LRRC7: variants seen among roughly 807,000 people sequenced by gnomAD.
The protein encoded by LRRC7 is leucine rich repeat containing 7, also known as leucine-rich repeat-containing protein 7.
A neutral mutation model predicts 175.7 loss-of-function variants in LRRC7; 23 were observed. The observed-to-expected ratio is 0.13, with a 90% CI of 0.09 to 0.19. The LOEUF (loss-of-function observed/expected upper bound fraction) is 0.19, where lower values mean the gene tolerates loss of function less well. Ranked by LOEUF, LRRC7 falls within the 10% of genes least tolerant of loss-of-function variation. The probability of loss-of-function intolerance (pLI) is 1.00; values close to 1 mark genes in which losing one functional copy is unlikely to be tolerated. For synonymous variants in LRRC7, 685 were observed against 680.9 expected, an observed-to-expected ratio of 1.01 and a Z score of -0.09; for missense variants, 1,354 against 1,904.7, an observed-to-expected ratio of 0.71 and a Z score of 5.38.
At chr1:69,717,884 AAAAGAGGAGGGAGGGAAGGAGGGAG>A (rs1557641750) in intron 2 of LRRC7, among the ~76,000 whole-genome samples, 3 of 141,122 alleles carry the variant, frequency 2.1e-5, no homozygotes, top group East Asian at 2.1e-4. Flanking sequence ...GAAAGAGAGA[AAAAGAGGAGGGAGGGAAGGAGGGAG>A]AGAAAGAGAG....
intron 7 of LRRC7, among the ~76,000 whole-genome samples, chr1:69,839,579 T>A (rs1340736644): frequency 6.6e-6 from 1 of 151,618 alleles, no homozygotes; most frequent in Non-Finnish European, 1.5e-5. Context: ...CTGATGCTTT[T>A]GTCTGCCACA....
intron 5 of LRRC7, among the ~76,000 whole-genome samples, chr1:69,830,951 A>G (rs72943214): frequency 0.025 from 3,786 of 152,004 alleles, 163 homozygotes; most frequent in African/African-American, 0.087. Context: ...TTAAACTCTG[A>G]AACAAAATGT....
intron 4 of LRRC7, among the ~76,000 whole-genome samples, chr1:69,800,788 T>C (rs1319214301): frequency 6.6e-6 from 1 of 151,906 alleles, no homozygotes; most frequent in Non-Finnish European, 1.5e-5. Flanking sequence ...AAGAGAGTAG[T>C]GAAAGTGGGC....
intron 24 of LRRC7, among the ~76,000 whole-genome samples, chr1:70,081,599 A>G (rs1235591368): frequency 1.3e-5 from 2 of 152,224 alleles, no homozygotes; most frequent in Non-Finnish European, 2.9e-5. Flanking sequence ...ACCACATTAC[A>G]TGCTGCAGCC....
At chr1:69,898,755 G>A (rs1477366400) in intron 7 of LRRC7, among the ~76,000 whole-genome samples, 5 of 152,062 alleles carry the variant, frequency 3.3e-5, no homozygotes, top group Non-Finnish European at 7.3e-5. Context: ...AGGATAAGAA[G>A]CATGTGTCTG....
chr1:69,791,892 A>G (rs1675165421), intron 3 of LRRC7, 151 bp from the exon 4 acceptor site: 1 of 514,508 alleles, frequency 1.9e-6, no homozygotes, highest in Non-Finnish European at 3.5e-6. Flanking sequence ...TTCAGAAACA[A>G]TTGAGAAGAT....
At chr1:69,932,554 G>A (rs1647495458) in intron 8 of LRRC7, among the ~76,000 whole-genome samples, 1 of 152,152 alleles carries the variant, frequency 6.6e-6, no homozygotes, top group African/African-American at 2.4e-5. Context: ...AAATTAATTT[G>A]TTTTACTTCA....
chr1:69,822,404 G>A (rs1679400714), intron 4 of LRRC7, among the ~76,000 whole-genome samples: 2 of 152,188 alleles, frequency 1.3e-5, no homozygotes, highest in Non-Finnish European at 2.9e-5. Flanking sequence ...ATCAGTTATG[G>A]TGGTCCACAG....
chr1:69,979,642 A>G (rs1440460128), intron 8 of LRRC7, among the ~76,000 whole-genome samples: 1 of 152,106 alleles, frequency 6.6e-6, no homozygotes, highest in Non-Finnish European at 1.5e-5. Context: ...TGTACATACA[A>G]GGCATGTACC....
intron 1 of LRRC7, among the ~76,000 whole-genome samples, chr1:69,601,351 C>T (rs1339585543): frequency 6.6e-6 from 1 of 152,164 alleles, no homozygotes; most frequent in Non-Finnish European, 1.5e-5. Flanking sequence ...TCCATTACTG[C>T]GTGGATCATT....
At chr1:69,814,239 T>G (rs1264523783) in intron 4 of LRRC7, among the ~76,000 whole-genome samples, 1 of 152,118 alleles carries the variant, frequency 6.6e-6, no homozygotes, top group African/African-American at 2.4e-5. Flanking sequence ...TTCTCATCTG[T>G]AAACACCCAT....
chr1:69,676,304 C>T (rs903908034), intron 1 of LRRC7, among the ~76,000 whole-genome samples: 2 of 151,992 alleles, frequency 1.3e-5, no homozygotes, highest in Admixed American at 6.6e-5. Context: ...CCAGTATACC[C>T]GTAATAATCA....
chr1:69,635,472 G>A (rs1037759696), intron 1 of LRRC7, among the ~76,000 whole-genome samples: 4 of 151,872 alleles, frequency 2.6e-5, no homozygotes, highest in African/African-American at 9.7e-5. Context: ...AATAGATAAG[G>A]TCAAAAAGCA....
intron 5 of LRRC7, among the ~76,000 whole-genome samples, chr1:69,828,805 T>A (rs935043078): frequency 6.6e-6 from 1 of 152,036 alleles, no homozygotes. Flanking sequence ...AATAGAAACT[T>A]CTACGTTGTG....
rs974799032 is a variant in LRRC7 at position 70,144,010 on chromosome 1, A to G, written c.*22123A>G. On this transcript the variant is annotated 3_prime_UTR_variant, in exon 27 of 27. Coordinates refer to ENST00000651989, the MANE Select transcript of LRRC7 (RefSeq NM_001370785.2). ...TTTTTTGCAGTATGAGACCATAACA[A>G]CCTTGAAAGCTGCTTCATTTTATGT... 2 of 152,186 alleles carry G rather than the reference A, an allele frequency of 1.3e-5. No homozygotes were observed. Among genetic ancestry groups the G allele is most frequent in the Non-Finnish European group, 2.9e-5 (2 of 68,028 alleles). The allele number at this position is 152,186 out of a possible 1,614,324, so 9.4% of individuals were successfully genotyped here.
intron 13 of LRRC7, 55 bp downstream of exon 13, chr1:70,013,144 T>C: frequency 9.2e-7 from 1 of 1,089,300 alleles, no homozygotes; most frequent in Non-Finnish European, 1.3e-6. Context: ...AAGCAAATTA[T>C]AGTTTTTTTG....
At chr1:69,686,406 C>A (rs1251425918) in intron 2 of LRRC7, among the ~76,000 whole-genome samples, 1 of 152,142 alleles carries the variant, frequency 6.6e-6, no homozygotes, top group Admixed American at 6.5e-5. Flanking sequence ...ATAATACCAT[C>A]TGATGTGGTG....
rs1557463083 is a variant in LRRC7 at position 69,600,796 on chromosome 1, G to GTTC, written c.2+32157_2+32158insCTT. ...TTAGCCATTTCTCCAAGGATCTCTGGTTTCTTTTTTTTTTTTTTTTTTTTT... is the reference window on the plus strand; with the variant it reads ...TTAGCCATTTCTCCAAGGATCTCTGGTTCTTTCTTTTTTTTTTTTTTTTTTTTT... On this transcript the variant is annotated intron_variant, in intron 1 of 26. Coordinates refer to ENST00000651989, the MANE Select transcript of LRRC7 (RefSeq NM_001370785.2). 8.7e-4 allele frequency among the ~76,000 whole-genome samples: 23 copies of GTTC among 26,360 alleles called. 4 individuals are homozygous for GTTC. Among genetic ancestry groups the GTTC allele is most frequent in the Non-Finnish European group, 1.1e-3 (18 of 15,782 alleles). 17.3% of individuals were successfully genotyped at this position (26,360 alleles called of 152,430 possible).
intron 4 of LRRC7, among the ~76,000 whole-genome samples, chr1:69,822,511 C>T (rs1304853747): frequency 6.6e-6 from 1 of 152,158 alleles, no homozygotes; most frequent in Non-Finnish European, 1.5e-5. Flanking sequence ...TGCTGACAGT[C>T]CGTACCTCTC....
Sources: gnomAD v4.1 joint callset for allele counts (sites outside exome capture counted in the v4.1 genomes callset) on GRCh38, gnomAD v4.1.1 for gene constraint, MANE v1.5 for transcripts, NCBI Gene and HGNC (gene_info 2026-07-23, HGNC 2026-07-21) for gene names.